Variants in VOPP1 observed in about 807,000 individuals in gnomAD.
The protein encoded by VOPP1 is WW domain binding protein VOPP1.
In VOPP1, 8 loss-of-function variants were observed where a neutral mutation model predicts 23.5. The observed-to-expected ratio is 0.34, with a 90% CI of 0.20 to 0.61. The LOEUF (loss-of-function observed/expected upper bound fraction) is 0.61, where lower values mean the gene tolerates loss of function less well. Among genes scored for constraint, VOPP1 ranks in the 20% least tolerant of loss-of-function variants. The probability of loss-of-function intolerance (pLI) is 0.78; values close to 1 mark genes in which losing one functional copy is unlikely to be tolerated. For synonymous variants in VOPP1, 83 were observed against 97.3 expected (o/e 0.85, Z 0.86); for missense variants, 174 against 238.1 (o/e 0.73, Z 1.77).
At chr7:55,486,420 A>C (rs917375500) in intron 4 of VOPP1, among the ~76,000 whole-genome samples, 1 of 152,240 alleles carries the variant, frequency 6.6e-6, no homozygotes, top group Non-Finnish European at 1.5e-5. Flanking sequence ...TGTGCAAACC[A>C]TAATAGCAAG....
rs190778290 is a variant in VOPP1 at position 55,501,758 on chromosome 7, G to T, written c.114-4068C>A. 1.8e-3 allele frequency among the ~76,000 whole-genome samples: 273 copies of T among 152,254 alleles called. 1 individual carries two copies. The highest frequency in any genetic ancestry group is 6.1e-3 in the African/African-American group (254 of 41,544). On this transcript the variant is annotated intron_variant, in intron 2 of 4. Coordinates refer to ENST00000285279, the MANE Select transcript of VOPP1 (RefSeq NM_030796.5). ...CTGATGGTGAGGGAGGGGAATAAGG[G>T]GGGTGCAGAACAGAGACGACATACA...
intron 1 of VOPP1, among the ~76,000 whole-genome samples, chr7:55,565,451 T>C (rs1716449267): frequency 6.6e-6 from 1 of 152,242 alleles, no homozygotes; most frequent in African/African-American, 2.4e-5. Context: ...CTATTCAACA[T>C]GTTTGTTAAT....
At chr7:55,436,689 TGCATGC>T (rs1265081934) in intron 4 of VOPP1, among the ~76,000 whole-genome samples, 1 of 151,984 alleles carries the variant, frequency 6.6e-6, no homozygotes, top group Admixed American at 6.6e-5. Flanking sequence ...TGTGTGCATG[TGCATGC>T]GTGTGTGTGC....
intron 4 of VOPP1, among the ~76,000 whole-genome samples, chr7:55,448,875 T>A (rs904448646): frequency 6.6e-6 from 1 of 152,166 alleles, no homozygotes; most frequent in Non-Finnish European, 1.5e-5. Context: ...ATGACATATT[T>A]TATTTAAAAG....
At chr7:55,560,269 C>A in intron 1 of VOPP1, among the ~76,000 whole-genome samples, 1 of 152,154 alleles carries the variant, frequency 6.6e-6, no homozygotes, top group East Asian at 1.9e-4. Flanking sequence ...CTCCTGCCCA[C>A]AAAGATGTCA....
rs760304705 is a variant in VOPP1, at chr7:55,492,344, G to T, written c.266C>A (p.Pro89Gln). 4 of 1,609,132 alleles carry T rather than the reference G, an allele frequency of 2.5e-6. No individual in the cohort carries two copies. Among genetic ancestry groups the T allele is most frequent in the Admixed American group, 3.4e-5 (2 of 59,258 alleles). ...ATTGAAGGCTGGCTCCTCGATCAGC[G>T]GCGGGGGGTACATGCGCCTCCGGAT... ...FFIRRRMYPP[P>Q]LIEEPAFNVS... Residue 89 changes from proline (P) to glutamine (Q), a missense_variant, in exon 4 of 5, where the codon CCG (proline) becomes CAG (glutamine). By Grantham distance (76) the Pro-to-Gln change is moderately conservative. Transcript: ENST00000285279.
intron 4 of VOPP1, among the ~76,000 whole-genome samples, chr7:55,452,390 T>C (rs1791266531): frequency 6.6e-6 from 1 of 152,148 alleles, no homozygotes; most frequent in South Asian, 2.1e-4. Context: ...ATCCATAAGG[T>C]TGGAATCAAC....
intron 1 of VOPP1, chr7:55,537,682 G>A: frequency 6.8e-7 from 1 of 1,469,806 alleles, no homozygotes. Flanking sequence ...TCTGTTGAGT[G>A]GTGAGAACAT....
At chr7:55,483,668 A>T (rs1792910170) in intron 4 of VOPP1, among the ~76,000 whole-genome samples, 1 of 152,160 alleles carries the variant, frequency 6.6e-6, no homozygotes, top group Non-Finnish European at 1.5e-5. Context: ...CTCCTGGTGA[A>T]TTCTGTTACT....
intron 2 of VOPP1, among the ~76,000 whole-genome samples, chr7:55,516,932 A>ATATATAT (rs1562947689): frequency 2.2e-5 from 1 of 45,158 alleles, no homozygotes; most frequent in African/African-American, 1.2e-4. Context: ...ATATATATAT[A>ATATATAT]TTTTTTTTTT....
At chr7:55,480,726 C>T (rs1259706200) in intron 4 of VOPP1, among the ~76,000 whole-genome samples, 1 of 152,126 alleles carries the variant, frequency 6.6e-6, no homozygotes, top group Non-Finnish European at 1.5e-5. Flanking sequence ...CTATTAATAC[C>T]TCTAAAAATT....
chr7:55,535,613 C>T (rs868698547), intron 1 of VOPP1, among the ~76,000 whole-genome samples: 6 of 152,366 alleles, frequency 3.9e-5, no homozygotes, highest in Middle Eastern at 3.4e-3. Flanking sequence ...TTTCCACCAA[C>T]GGAGCCTCAG....
intron 1 of VOPP1, among the ~76,000 whole-genome samples, chr7:55,540,508 C>G (rs1797082921): frequency 6.6e-6 from 1 of 152,178 alleles, no homozygotes; most frequent in South Asian, 2.1e-4. Flanking sequence ...TGAGGAGACC[C>G]CATGTGCCCT....
intron 1 of VOPP1, among the ~76,000 whole-genome samples, chr7:55,563,584 T>C (rs1798057506): frequency 6.6e-6 from 1 of 152,234 alleles, no homozygotes; most frequent in African/African-American, 2.4e-5. Flanking sequence ...GTGAAGTATC[T>C]TGGGGATGGG....
chr7:55,437,674 G>C (rs563666624), intron 4 of VOPP1, among the ~76,000 whole-genome samples: 1 of 152,166 alleles, frequency 6.6e-6, no homozygotes, highest in South Asian at 2.1e-4. Context: ...CCCACCCTCT[G>C]TCCTTGTCTC....
chr7:55,494,769 T>C (rs1173012620), intron 3 of VOPP1, among the ~76,000 whole-genome samples: 1 of 152,176 alleles, frequency 6.6e-6, no homozygotes, highest in Non-Finnish European at 1.5e-5. Context: ...CAAGAACTTA[T>C]TTTAAAAGAG....
intron 1 of VOPP1, among the ~76,000 whole-genome samples, chr7:55,536,267 G>A (rs578043846): frequency 6.6e-5 from 10 of 152,318 alleles, no homozygotes; most frequent in Non-Finnish European, 1.2e-4. Context: ...GGTGGCTCAC[G>A]CCTGTAATCC....
At chr7:55,548,561 T>C (rs1797464466) in intron 1 of VOPP1, among the ~76,000 whole-genome samples, 1 of 152,182 alleles carries the variant, frequency 6.6e-6, no homozygotes, top group Admixed American at 6.5e-5. Flanking sequence ...TTCAGATGAG[T>C]CCCACACTCC....
chr7:55,448,063 T>C (rs538097629), intron 4 of VOPP1, among the ~76,000 whole-genome samples: 3 of 152,310 alleles, frequency 2.0e-5, no homozygotes, highest in African/African-American at 7.2e-5. Flanking sequence ...ATAAACAGTG[T>C]TGGCAAAGGC....
Sources: allele counts gnomAD v4.1 joint callset (sites outside exome capture counted in the v4.1 genomes callset), GRCh38; gene constraint gnomAD v4.1.1; transcripts MANE v1.5; gene names NCBI Gene and HGNC (gene_info 2026-07-23, HGNC 2026-07-21).